The following JHY variants were observed in gnomAD, a reference collection of about 807,000 sequenced individuals.
JHY encodes the protein junctional cadherin complex regulator.
JHY carries 69 observed loss-of-function variants against 78.0 expected under a neutral mutation model. That is an observed-to-expected ratio of 0.88 (90% CI 0.73 to 1.08). The LOEUF (loss-of-function observed/expected upper bound fraction) is 1.08, where lower values mean the gene tolerates loss of function less well. Among genes scored for constraint, JHY ranks in the 50% least tolerant of loss-of-function variants. JHY has a pLI of 0.00. For synonymous variants in JHY, 368 were observed against 342.6 expected (o/e 1.07, Z -0.82); for missense variants, 944 against 927.8 (o/e 1.02, Z -0.23).
chr11:122,957,934 A>C (rs968801743), intron 8 of JHY, among the ~76,000 whole-genome samples: 1 of 152,156 alleles, frequency 6.6e-6, no homozygotes, highest in African/African-American at 2.4e-5. Context: ...TTAAATAATA[A>C]TGTGATTTCT....
intron 6 of JHY, among the ~76,000 whole-genome samples, chr11:122,951,587 T>C (rs576069218): frequency 2.3e-4 from 35 of 152,334 alleles, no homozygotes; most frequent in African/African-American, 8.2e-4. Context: ...GGAGAATAGC[T>C]CTGCAGTGGC....
At chr11:122,938,497 G>A (rs4259833) in intron 5 of JHY, among the ~76,000 whole-genome samples, 83,646 of 151,852 alleles carry the variant, frequency 0.55, 23,809 homozygotes, top group African/African-American at 0.7. Context: ...TTTTCTCAAC[G>A]TCTTCTTAGA....
intron 3 of JHY, 39 bp downstream of exon 3, chr11:122,904,483 A>G: frequency 6.4e-7 from 1 of 1,565,998 alleles, no homozygotes; most frequent in Non-Finnish European, 8.6e-7. Context: ...CTGAAACATT[A>G]AACCAGAATT....
At chr11:122,901,486 T>C (rs1259588451) in intron 2 of JHY, among the ~76,000 whole-genome samples, 6 of 152,306 alleles carry the variant, frequency 3.9e-5, no homozygotes, top group African/African-American at 1.4e-4. Flanking sequence ...TTTTTAACTC[T>C]TTTGTAATAA....
chr11:122,886,270 T>C (rs1862495873), intron 2 of JHY, 77 bp downstream of exon 2: 3 of 1,396,344 alleles, frequency 2.1e-6, no homozygotes, highest in African/African-American at 2.9e-5. Context: ...CATTCCAAAT[T>C]AGAGTAAGGG....
chr11:122,899,942 T>A (rs1862815103), intron 2 of JHY, among the ~76,000 whole-genome samples: 1 of 152,174 alleles, frequency 6.6e-6, no homozygotes, highest in African/African-American at 2.4e-5. Context: ...CCCTGCCCCA[T>A]GATGCTTAAG....
At position 122,917,839 on chromosome 11, in the gene JHY, T is replaced by C. The variant is rs1416877100; in HGVS notation, c.865-7058T>C. 6.6e-6 allele frequency among the ~76,000 whole-genome samples: 1 copy of C among 152,090 alleles called. No individual in the cohort carries two copies. Among genetic ancestry groups the C allele is most frequent in the East Asian group, 1.9e-4 (1 of 5,184 alleles). The stretch of plus-strand genomic sequence containing the variant: ...AAGTTATATGAGATATTCCTAAAAA[T>C]CTCTTTCACATTCTTAAAAATGGCC... On this transcript the variant is annotated intron_variant, in intron 3 of 8. Coordinates refer to ENST00000227349, the MANE Select transcript of JHY (RefSeq NM_024806.4). This position sits in a 1 kb window ranked among gnomAD's most constrained non-coding sequence, Gnocchi z 4.1.
rs560168514 is a variant in JHY, at chr11:122,950,210, A to G, written c.1929+3418A>G. On this transcript the variant is annotated intron_variant, in intron 6 of 8. Transcript: ENST00000227349. ...TTACATGGTAGTTAGGCTGTAAGGT[A>G]CTATTAGCACTGTTTTCAAGAGTTT... Among the ~76,000 whole-genome samples, 38 of 152,252 alleles carry G rather than the reference A, an allele frequency of 2.5e-4. 1 individual carries two copies. The South Asian group carries it at 7.5e-3, about 30-fold the overall frequency.
intron 5 of JHY, among the ~76,000 whole-genome samples, chr11:122,940,154 A>G (rs1037805290): frequency 6.6e-6 from 1 of 152,134 alleles, no homozygotes; most frequent in Non-Finnish European, 1.5e-5. Context: ...CCTGGCCAAC[A>G]TGGTGAAACT....
intron 5 of JHY, among the ~76,000 whole-genome samples, chr11:122,946,026 G>A (rs1054182512): frequency 2.6e-5 from 4 of 152,210 alleles, no homozygotes; most frequent in East Asian, 3.9e-4. Flanking sequence ...CTATACCAGC[G>A]TTAACTATTA....
intron 6 of JHY, among the ~76,000 whole-genome samples, chr11:122,952,465 C>T (rs1301505984): frequency 1.3e-5 from 2 of 152,180 alleles, no homozygotes; most frequent in Non-Finnish European, 2.9e-5. Context: ...GAGCCATCAC[C>T]GTCCCTTGAG....
chr11:122,944,178 T>G (rs1863922832), intron 5 of JHY, among the ~76,000 whole-genome samples: 1 of 152,122 alleles, frequency 6.6e-6, no homozygotes, highest in Admixed American at 6.5e-5. Context: ...GCCTGGGTGA[T>G]AAACTGAGAC....
chr11:122,910,268 A>G (rs2135317980), intron 3 of JHY, among the ~76,000 whole-genome samples: 1 of 152,258 alleles, frequency 6.6e-6, no homozygotes, highest in African/African-American at 2.4e-5. Context: ...TGAGGTCACA[A>G]GTTTGAGACC....
intron 4 of JHY, chr11:122,927,043 C>T (rs1378331670): frequency 1.3e-5 from 2 of 152,158 alleles, no homozygotes; most frequent in Admixed American, 1.3e-4. Context: ...AAGCTTTGCC[C>T]AGTGGCAACA....
At chr11:122,959,183 G>T (rs900034346) in intron 8 of JHY, 65 bp from the exon 9 acceptor site, 1 of 1,513,014 alleles carries the variant, frequency 6.6e-7, no homozygotes, top group African/African-American at 1.4e-5. Flanking sequence ...ACATTTCCTA[G>T]ATTTAATTTA....
intron 3 of JHY, chr11:122,905,081 T>C (rs920227562): frequency 1.0e-6 from 1 of 967,514 alleles, no homozygotes; most frequent in Non-Finnish European, 1.6e-6. Flanking sequence ...TCATTTGTTA[T>C]TGTCCTGTGT....
In JHY at chr11:122,904,167, T is replaced by G. The variant is rs1318233084; in HGVS notation, c.587T>G (p.Leu196Ter). Reference protein sequence around the residue: ...SAASLLGSEFLSPNYEHGARR... With the variant: ...SAASLLGSEF ...GCTTCTTTACTTGGTAGTGAATTTTTAAGCCCAAACTATGAGCATGGTGCC... is the reference window on the plus strand; with the variant it reads ...GCTTCTTTACTTGGTAGTGAATTTTGAAGCCCAAACTATGAGCATGGTGCC... The change falls in exon 3 of 9, where the codon TTA (leucine) becomes TGA (stop). Residue 196 changes from leucine (L) to a stop codon, truncating the protein, a stop_gained. Coordinates refer to ENST00000227349, the MANE Select transcript of JHY (RefSeq NM_024806.4). LOFTEE classifies it high-confidence loss of function. The G allele has an allele frequency of 4.3e-6, 7 of 1,614,062 alleles. No individual in the cohort carries two copies. The highest frequency in any genetic ancestry group is 5.1e-6 in the Non-Finnish European group (6 of 1,180,034).
chr11:122,952,676 C>T (rs1055637042), intron 6 of JHY, among the ~76,000 whole-genome samples: 1 of 152,174 alleles, frequency 6.6e-6, no homozygotes, highest in Non-Finnish European at 1.5e-5. Flanking sequence ...ATTATTCATG[C>T]ATCACAATGT....
At chr11:122,958,889 C>T in intron 8 of JHY, 1 of 985,126 alleles carries the variant, frequency 1.0e-6, no homozygotes, top group Non-Finnish European at 1.2e-6. Flanking sequence ...ATAGAAAGGT[C>T]TATTAATATC....
Sources: gnomAD v4.1 joint callset for allele counts (sites outside exome capture counted in the v4.1 genomes callset) on GRCh38, gnomAD v4.1.1 for gene constraint, Gnocchi (gnomAD v3.1) non-coding constraint, MANE v1.5 for transcripts, NCBI Gene and HGNC (gene_info 2026-07-23, HGNC 2026-07-21) for gene names.